DOK5: variants seen among roughly 807,000 people sequenced by gnomAD.
The protein encoded by DOK5 is docking protein 5.
In DOK5, 27 loss-of-function variants were observed where a neutral mutation model predicts 43.3. The observed-to-expected ratio is 0.62, with a 90% CI of 0.46 to 0.86. The LOEUF (loss-of-function observed/expected upper bound fraction) is 0.86. Ranked by LOEUF, DOK5 falls within the 40% of genes least tolerant of loss-of-function variation. The probability of loss-of-function intolerance (pLI) is 0.00; values close to 1 mark genes in which losing one functional copy is unlikely to be tolerated. For missense variants in DOK5, 373 were observed against 392.9 expected (o/e 0.95, Z 0.43); for synonymous variants, 146 against 140.1 (o/e 1.04, Z -0.30).
At chr20:54,579,322 T>C (rs996986168) in intron 2 of DOK5, among the ~76,000 whole-genome samples, 6 of 152,058 alleles carry the variant, frequency 3.9e-5, no homozygotes, top group African/African-American at 1.5e-4. Flanking sequence ...TTTAAAATTC[T>C]GAGTATCTTT....
chr20:54,534,584 A>G (rs982526441), intron 1 of DOK5, among the ~76,000 whole-genome samples: 1 of 152,228 alleles, frequency 6.6e-6, no homozygotes. Context: ...GGACATTAAC[A>G]GGTCTTAGCT....
At chr20:54,606,546 T>G (rs1165338439) in intron 5 of DOK5, among the ~76,000 whole-genome samples, 1 of 152,220 alleles carries the variant, frequency 6.6e-6, no homozygotes, top group Non-Finnish European at 1.5e-5. Flanking sequence ...TGTAAGACCA[T>G]TAGCCTGTTT....
chr20:54,585,672 G>T (rs1985778714), intron 2 of DOK5, among the ~76,000 whole-genome samples: 1 of 152,202 alleles, frequency 6.6e-6, no homozygotes. Context: ...TGCATTAAAA[G>T]CACAGGCTTT....
intron 5 of DOK5, among the ~76,000 whole-genome samples, chr20:54,607,019 C>T (rs929941673): frequency 1.1e-4 from 16 of 152,192 alleles, no homozygotes; most frequent in Non-Finnish European, 1.5e-5. Context: ...AAGTTGCTGA[C>T]ATATAAAATT....
intron 1 of DOK5, among the ~76,000 whole-genome samples, chr20:54,535,501 T>G (rs999614632): frequency 6.6e-6 from 1 of 151,662 alleles, no homozygotes; most frequent in African/African-American, 2.4e-5. Flanking sequence ...AACAGACATT[T>G]TTTAATGCAA....
chr20:54,645,925 C>CAAAAAAAAAAAAAAAAAAAAA (rs550943378), intron 7 of DOK5, among the ~76,000 whole-genome samples: 12 of 85,878 alleles, frequency 1.4e-4, no homozygotes, highest in African/African-American at 4.3e-4. Flanking sequence ...GCAGATGCTG[C>CAAAAAAAAAAAAAAAAAAAAA]AAAAAAAAAA....
chr20:54,486,877 A>G (rs1336662604), intron 1 of DOK5, among the ~76,000 whole-genome samples: 1 of 151,936 alleles, frequency 6.6e-6, no homozygotes, highest in African/African-American at 2.4e-5. Flanking sequence ...TTTTTAGTTT[A>G]TTGTCTGTGA....
chr20:54,579,556 A>T (rs1985568346), intron 2 of DOK5, among the ~76,000 whole-genome samples: 1 of 151,976 alleles, frequency 6.6e-6, no homozygotes, highest in African/African-American at 2.4e-5. Context: ...GCAACCTCCC[A>T]TTCCCCTCTC....
At chr20:54,554,884 A>G (rs373503874) in intron 1 of DOK5, 49 bp from the exon 2 acceptor site, 96 of 1,169,774 alleles carry the variant, frequency 8.2e-5, no homozygotes, top group Non-Finnish European at 1.0e-4. Flanking sequence ...TTTAAATGCA[A>G]ATGTCAGTCA....
At chr20:54,534,472 G>T (rs1600685741) in intron 1 of DOK5, among the ~76,000 whole-genome samples, 1 of 152,174 alleles carries the variant, frequency 6.6e-6, no homozygotes, top group African/African-American at 2.4e-5. Context: ...ACTGGCATGT[G>T]CCACTGCCAC....
chr20:54,552,027 C>G (rs1405019700), intron 1 of DOK5, among the ~76,000 whole-genome samples: 1 of 152,138 alleles, frequency 6.6e-6, no homozygotes, highest in South Asian at 2.1e-4. Flanking sequence ...GGGGTTTTGT[C>G]ATATTGGCCA....
At chr20:54,597,511 T>A (rs1161684471) in intron 5 of DOK5, among the ~76,000 whole-genome samples, 1 of 152,204 alleles carries the variant, frequency 6.6e-6, no homozygotes. Flanking sequence ...AGAGGCTCAT[T>A]ACCTCATTTG....
intron 5 of DOK5, among the ~76,000 whole-genome samples, chr20:54,596,734 T>C (rs1233626577): frequency 2.6e-5 from 4 of 152,212 alleles, no homozygotes; most frequent in Admixed American, 2.0e-4. Context: ...TAGTAGGCAG[T>C]TGTATCCACC....
chr20:54,536,953 C>T (rs1479448269), intron 1 of DOK5, among the ~76,000 whole-genome samples: 1 of 152,192 alleles, frequency 6.6e-6, no homozygotes, highest in East Asian at 1.9e-4. Flanking sequence ...TAATTCTGCT[C>T]AGTAGGAATG....
At chr20:54,614,234 A>C (rs967756886) in intron 6 of DOK5, among the ~76,000 whole-genome samples, 5 of 152,146 alleles carry the variant, frequency 3.3e-5, no homozygotes, top group Non-Finnish European at 5.9e-5. Flanking sequence ...GCCTTCCAGG[A>C]AGACTTTCTT....
chr20:54,530,048 G>T (rs1983716223), intron 1 of DOK5, among the ~76,000 whole-genome samples: 1 of 152,106 alleles, frequency 6.6e-6, no homozygotes, highest in African/African-American at 2.4e-5. Flanking sequence ...TTAGCCTAAA[G>T]GTTTTTTGTC....
intron 4 of DOK5, among the ~76,000 whole-genome samples, chr20:54,590,949 G>A (rs1211429896): frequency 6.6e-6 from 1 of 152,208 alleles, no homozygotes; most frequent in East Asian, 1.9e-4. Flanking sequence ...CAGCCAAGCA[G>A]TTTATGTAGA....
chr20:54,500,069 A>C (rs1199729961), intron 1 of DOK5, among the ~76,000 whole-genome samples: 1 of 152,222 alleles, frequency 6.6e-6, no homozygotes, highest in Non-Finnish European at 1.5e-5. Flanking sequence ...TATTTACCTG[A>C]TCCTCTGCAA....
chr20:54,610,932 G>A (rs1015793187), intron 6 of DOK5, among the ~76,000 whole-genome samples: 16 of 152,192 alleles, frequency 1.1e-4, no homozygotes, highest in Non-Finnish European at 5.9e-5. Flanking sequence ...AAAAGCCCAA[G>A]ACCAGACAAC....
Sources: gnomAD v4.1 joint callset for allele counts (sites outside exome capture counted in the v4.1 genomes callset) on GRCh38, gnomAD v4.1.1 for gene constraint, MANE v1.5 for transcripts, NCBI Gene and HGNC (gene_info 2026-07-23, HGNC 2026-07-21) for gene names.